The following DNAJB12 variants were observed in gnomAD, a reference collection of about 807,000 sequenced individuals.
The protein encoded by DNAJB12 is DnaJ heat shock protein family (Hsp40) member B12.
In DNAJB12, 14 loss-of-function variants were observed where a neutral mutation model predicts 40.6. The ratio of observed to expected loss-of-function variants is 0.34; its 90% CI spans 0.23 to 0.54. The LOEUF is 0.54. Ranked by LOEUF, DNAJB12 falls within the 20% of genes least tolerant of loss-of-function variation. The probability of loss-of-function intolerance (pLI) is 0.92; values close to 1 mark genes in which losing one functional copy is unlikely to be tolerated. For missense variants in DNAJB12, 444 were observed against 501.7 expected (o/e 0.89, Z 1.10); for synonymous variants, 181 against 199.5 (o/e 0.91, Z 0.78).
chr10:72,342,095 G>C (rs1451369717), intron 3 of DNAJB12, among the ~76,000 whole-genome samples: 6 of 152,198 alleles, frequency 3.9e-5, no homozygotes. Flanking sequence ...GGAGCTGTGG[G>C]GAAGGGCCAA....
chr10:72,338,769 G>A (rs1421581163), intron 5 of DNAJB12, among the ~76,000 whole-genome samples: 1 of 152,022 alleles, frequency 6.6e-6, no homozygotes, highest in East Asian at 1.9e-4. Context: ...AGGAGTTCAA[G>A]ACCAGTCTGG....
intron 2 of DNAJB12, 39 bp from the exon 3 acceptor site, chr10:72,343,550 T>G: frequency 6.2e-7 from 1 of 1,609,874 alleles, no homozygotes. Context: ...GTGCTCTACA[T>G]GGGTCTGTGT....
intron 3 of DNAJB12, among the ~76,000 whole-genome samples, chr10:72,341,797 C>T (rs1861646811): frequency 6.6e-6 from 1 of 152,192 alleles, no homozygotes; most frequent in African/African-American, 2.4e-5. Flanking sequence ...AAGAGCAACC[C>T]TATCTCCATT....
At chr10:72,336,171 T>C (rs1420687444) in intron 7 of DNAJB12, among the ~76,000 whole-genome samples, 2 of 152,210 alleles carry the variant, frequency 1.3e-5, no homozygotes, top group Non-Finnish European at 2.9e-5. Flanking sequence ...CCTGTCATCC[T>C]GGTCAGGCCT....
chr10:72,350,225 C>A (rs1400358345), intron 1 of DNAJB12, among the ~76,000 whole-genome samples: 2 of 151,748 alleles, frequency 1.3e-5, no homozygotes, highest in Non-Finnish European at 2.9e-5. Flanking sequence ...CACAGGAAGA[C>A]CCTGTCTCTA....
chr10:72,335,182 G>C lies in DNAJB12; in HGVS notation c.*31-565C>G, dbSNP rs955320064. 5 of 987,400 alleles carry C rather than the reference G, an allele frequency of 5.1e-6. No individual in the cohort carries two copies. Among genetic ancestry groups the C allele is most frequent in the African/African-American group, 1.7e-5 (1 of 57,292 alleles). The allele number at this position is 987,400 out of a possible 1,614,324, so 61.2% of individuals were successfully genotyped here. A position where few individuals can be genotyped will look rare whatever the true frequency, so the allele number is the denominator to read the frequency against. ...AGAGTGCCTCAGATCCCACCAGAGG[G>C]GGGTGGTCAGGGCCCGCGGCCCCTG... On this transcript the variant is annotated intron_variant, in intron 8 of 8. Transcript: ENST00000444643. This position sits in a 1 kb window ranked among gnomAD's most constrained non-coding sequence, Gnocchi z 4.4.
chr10:72,341,748 A>G (rs896873188), intron 3 of DNAJB12, among the ~76,000 whole-genome samples: 4 of 152,210 alleles, frequency 2.6e-5, no homozygotes, highest in Non-Finnish European at 4.4e-5. Flanking sequence ...CTGGGATTAT[A>G]GACATAAGCC....
At chr10:72,343,596 G>A (rs111958338) in intron 2 of DNAJB12, 85 bp from the exon 3 acceptor site, 271 of 1,469,508 alleles carry the variant, frequency 1.8e-4, no homozygotes, top group Non-Finnish European at 2.4e-4. Context: ...GGGGCGCACA[G>A]CTCTGGGCAG....
At chr10:72,348,734 G>A (rs1006864012) in intron 1 of DNAJB12, among the ~76,000 whole-genome samples, 2 of 152,354 alleles carry the variant, frequency 1.3e-5, no homozygotes, top group African/African-American at 2.4e-5. Flanking sequence ...TAAGGGAGGC[G>A]GGCTCCTGTA....
At chr10:72,347,976 C>T (rs1269261983) in intron 1 of DNAJB12, among the ~76,000 whole-genome samples, 1 of 151,186 alleles carries the variant, frequency 6.6e-6, no homozygotes, top group Non-Finnish European at 1.5e-5. Flanking sequence ...GTAATCCCAG[C>T]ACTCTGGGAG....
intron 5 of DNAJB12, among the ~76,000 whole-genome samples, chr10:72,340,126 C>T (rs921540141): frequency 2.6e-5 from 4 of 152,056 alleles, no homozygotes; most frequent in Admixed American, 2.6e-4. Flanking sequence ...GGGTGAATCA[C>T]CAGAGGTCAG....
intron 6 of DNAJB12, 96 bp downstream of exon 6, chr10:72,338,106 C>T (rs1861529376): frequency 9.7e-7 from 1 of 1,034,488 alleles, no homozygotes; most frequent in South Asian, 1.3e-5. Flanking sequence ...TATGATCGCA[C>T]ACTGGCTGGA....
At chr10:72,350,885 A>C (rs765871679) in intron 1 of DNAJB12, among the ~76,000 whole-genome samples, 2 of 152,188 alleles carry the variant, frequency 1.3e-5, no homozygotes, top group Non-Finnish European at 2.9e-5. Flanking sequence ...CTTGAAGGGT[A>C]CAACCCCACC....
At chr10:72,346,899 G>A (rs1861803777) in intron 1 of DNAJB12, among the ~76,000 whole-genome samples, 1 of 151,086 alleles carries the variant, frequency 6.6e-6, no homozygotes. Flanking sequence ...TGTTTGCATT[G>A]CACCACATTT....
At chr10:72,342,281 C>G (rs1477337587) in intron 3 of DNAJB12, among the ~76,000 whole-genome samples, 1 of 152,256 alleles carries the variant, frequency 6.6e-6, no homozygotes, top group Non-Finnish European at 1.5e-5. Flanking sequence ...CCTCCTCAGT[C>G]TCTCACTCCC....
intron 5 of DNAJB12, 76 bp from the exon 6 acceptor site, chr10:72,338,387 C>G: frequency 8.0e-7 from 1 of 1,245,178 alleles, no homozygotes; most frequent in Non-Finnish European, 1.2e-6. Flanking sequence ...ACTAGCTCCC[C>G]TAGAATAGTG....
chr10:72,337,858 CTG>C (rs1388314616), intron 6 of DNAJB12, among the ~76,000 whole-genome samples: 1 of 152,012 alleles, frequency 6.6e-6, no homozygotes, highest in Non-Finnish European at 1.5e-5. Flanking sequence ...ATGCAAAACT[CTG>C]TGTGTATATG....
intron 6 of DNAJB12, 24 bp from the exon 7 acceptor site, chr10:72,336,720 A>C (rs1407087509): frequency 6.2e-7 from 1 of 1,610,204 alleles, no homozygotes. Context: ...CCAGGTTCAA[A>C]GTGGGTGCGG....
intron 7 of DNAJB12, among the ~76,000 whole-genome samples, chr10:72,336,143 G>A (rs1259258017): frequency 1.2e-4 from 19 of 152,182 alleles, no homozygotes; most frequent in Admixed American, 8.5e-4. Context: ...AATGCAGTGA[G>A]GCCAGCCAAG....
Sources: gnomAD v4.1 joint callset for allele counts (sites outside exome capture counted in the v4.1 genomes callset) on GRCh38, gnomAD v4.1.1 for gene constraint, Gnocchi (gnomAD v3.1) non-coding constraint, MANE v1.5 for transcripts, NCBI Gene and HGNC (gene_info 2026-07-23, HGNC 2026-07-21) for gene names.